Variants in SPATA13 observed in about 807,000 individuals in gnomAD.
SPATA13 encodes the protein spermatogenesis-associated protein 13.
SPATA13 carries 50 observed loss-of-function variants against 104.0 expected under a neutral mutation model. That is an observed-to-expected ratio of 0.48 (90% CI 0.38 to 0.61). SPATA13 has a LOEUF of 0.61. Among genes scored for constraint, SPATA13 ranks in the 20% least tolerant of loss-of-function variants. SPATA13 has a pLI of 0.00. For missense variants in SPATA13, 1,524 were observed against 1,690.6 expected (o/e 0.90, Z 1.73); for synonymous variants, 606 against 667.5 (o/e 0.91, Z 1.42).
At chr13:24,239,511 A>T (rs1406235106) in intron 2 of SPATA13, among the ~76,000 whole-genome samples, 1 of 151,900 alleles carries the variant, frequency 6.6e-6, no homozygotes, top group African/African-American at 2.4e-5. Context: ...CTTGGGCAAC[A>T]TGGCGAAACT....
At chr13:24,125,896 G>T (rs1881197398) in intron 3 of SPATA13, among the ~76,000 whole-genome samples, 2 of 152,166 alleles carry the variant, frequency 1.3e-5, no homozygotes, top group Non-Finnish European at 2.9e-5. Context: ...GCAAAAGGGG[G>T]CCCACTCTGG....
chr13:24,224,905 T>A (rs1036932504), intron 2 of SPATA13: 1 of 408,980 alleles, frequency 2.4e-6, no homozygotes, highest in Non-Finnish European at 4.7e-6. Flanking sequence ...ACAAACTGTC[T>A]TCTGCTCCAT....
Position 24,223,463 on chromosome 13 carries a change from G to A in SPATA13, c.534G>A (p.Trp178Ter). ...PACGALRPAE[W>*]GTLDGSDLED... ...GTGGTGCCCTCAGGCCAGCAGAGTG[G>A]GGCACATTGGATGGCTCCGACCTCG... Residue 178 changes from tryptophan to a stop codon, truncating the protein, a stop_gained, in exon 2 of 13, where the codon TGG (tryptophan) becomes TGA (stop). Coordinates refer to ENST00000382108, the MANE Select transcript of SPATA13 (RefSeq NM_001166271.3). LOFTEE classifies it high-confidence loss of function. The A allele has an allele frequency of 6.5e-7, 1 of 1,550,242 alleles. No individual in the cohort carries two copies. Among genetic ancestry groups the A allele is most frequent in the Non-Finnish European group, 8.7e-7 (1 of 1,146,994 alleles).
At chr13:24,071,485 G>A (rs1196055398) in intron 3 of SPATA13, among the ~76,000 whole-genome samples, 2 of 152,142 alleles carry the variant, frequency 1.3e-5, no homozygotes, top group Non-Finnish European at 2.9e-5. Flanking sequence ...ATTTACAGAT[G>A]AGAAGGCCAA....
intron 1 of SPATA13, among the ~76,000 whole-genome samples, chr13:24,171,086 TG>T (rs1882947993): frequency 2.6e-5 from 4 of 151,926 alleles, no homozygotes; most frequent in Admixed American, 2.6e-4. Context: ...ACAATTTGCA[TG>T]GAATTTTAGT....
intron 11 of SPATA13, among the ~76,000 whole-genome samples, chr13:24,299,002 G>C (rs1341694526): frequency 6.6e-6 from 1 of 152,174 alleles, no homozygotes; most frequent in Admixed American, 6.5e-5. Context: ...CTGATTCCCA[G>C]CAACAGCCAT....
At chr13:24,251,617 G>A (rs1398077722) in intron 3 of SPATA13, 101 bp from the exon 4 acceptor site, 46 of 1,530,746 alleles carry the variant, frequency 3.0e-5, no homozygotes, top group African/African-American at 4.1e-5. Context: ...ACCATTTCAC[G>A]TCTGTGAGTG....
At chr13:24,123,665 C>A in intron 3 of SPATA13, 1 of 1,593,654 alleles carries the variant, frequency 6.3e-7, no homozygotes, top group Non-Finnish European at 8.6e-7. Flanking sequence ...CATCAAACTT[C>A]ATGCATATAT....
chr13:24,182,695 A>T (rs1868891005), intron 1 of SPATA13, among the ~76,000 whole-genome samples: 1 of 152,208 alleles, frequency 6.6e-6, no homozygotes, highest in Non-Finnish European at 1.5e-5. Context: ...TTTGGAGAGG[A>T]CAAACATCTA....
intron 2 of SPATA13, 174 bp downstream of exon 2, chr13:24,224,756 A>G: frequency 1.4e-6 from 1 of 701,490 alleles, no homozygotes; most frequent in East Asian, 2.7e-5. Flanking sequence ...CCAAGTTCAG[A>G]AGTAATCTCT....
At chr13:24,281,351 G>T (rs1248176352) in intron 4 of SPATA13, among the ~76,000 whole-genome samples, 3 of 152,216 alleles carry the variant, frequency 2.0e-5, no homozygotes, top group South Asian at 4.1e-4. Flanking sequence ...CCAGGCAGGG[G>T]AGTGGAGGTG....
chr13:23,999,368 CAAA>C (rs34668799), intron 2 of SPATA13, among the ~76,000 whole-genome samples: 14,184 of 94,358 alleles, frequency 0.15, 1,101 homozygotes, highest in Admixed American at 0.3. Flanking sequence ...CATTTTCTAC[CAAA>C]AAAAAAAAAA....
intron 1 of SPATA13, among the ~76,000 whole-genome samples, chr13:24,214,059 G>A (rs9511154): frequency 0.24 from 36,767 of 152,186 alleles, 5,613 homozygotes; most frequent in Non-Finnish European, 0.34. Flanking sequence ...CTCCAGATCC[G>A]CATTCAGGTG....
At chr13:24,029,995 A>G (rs888379068) in intron 3 of SPATA13, among the ~76,000 whole-genome samples, 1 of 152,016 alleles carries the variant, frequency 6.6e-6, no homozygotes, top group Non-Finnish European at 1.5e-5. Flanking sequence ...ATGGGAATTC[A>G]TAGCAAAATT....
intron 4 of SPATA13, among the ~76,000 whole-genome samples, chr13:24,263,207 C>G (rs551138897): frequency 7.9e-5 from 12 of 152,204 alleles, no homozygotes; most frequent in Non-Finnish European, 1.5e-4. Context: ...CTGCATTTTA[C>G]TCAAATCGAT....
In SPATA13 at chr13:24,137,126, G is replaced by A. The variant is rs1328093190; in HGVS notation, c.-111-85693G>A. Among the ~76,000 whole-genome samples, 21 of 35,062 alleles carry A rather than the reference G, an allele frequency of 6.0e-4. 7 individuals carry two copies. The highest frequency in any genetic ancestry group is 1.8e-3 in the African/African-American group (21 of 11,480). 23.0% of individuals were successfully genotyped at this position (35,062 alleles called of 152,430 possible). A position where few individuals can be genotyped will look rare whatever the true frequency, so the allele number is the denominator to read the frequency against. On this transcript the variant is annotated intron_variant, in intron 3 of 14. Transcript: ENST00000424834. ...ATTACAGGCGTGAGCCACCGCGCCC[G>A]GCCTGTTCTTTATTTTTATGAGAGA...
intron 2 of SPATA13, among the ~76,000 whole-genome samples, chr13:23,984,972 A>C (rs983068832): frequency 3.9e-5 from 6 of 152,236 alleles, no homozygotes; most frequent in Non-Finnish European, 8.8e-5. Flanking sequence ...GCACAGATTC[A>C]GGAGGTGAGC....
At chr13:24,136,468 C>T (rs1228763497) in intron 3 of SPATA13, among the ~76,000 whole-genome samples, 1 of 147,010 alleles carries the variant, frequency 6.8e-6, no homozygotes, top group Non-Finnish European at 1.5e-5. Context: ...AAGAGTGAAA[C>T]TTAGTCAAAA....
intron 4 of SPATA13, among the ~76,000 whole-genome samples, chr13:24,268,978 A>G (rs968283544): frequency 1.3e-5 from 2 of 152,320 alleles, no homozygotes; most frequent in Non-Finnish European, 2.9e-5. Flanking sequence ...GTATATAGTC[A>G]ACATGTGTGT....
Sources: allele counts gnomAD v4.1 joint callset (sites outside exome capture counted in the v4.1 genomes callset), GRCh38; gene constraint gnomAD v4.1.1; transcripts MANE v1.5; gene names NCBI Gene and HGNC (gene_info 2026-07-23, HGNC 2026-07-21).